The following ARL15 variants were observed in gnomAD, a reference collection of about 807,000 sequenced individuals.
ARL15 encodes ARF like GTPase 15, also known as ADP-ribosylation factor-like protein 15.
Under a neutral mutation model 25.2 loss-of-function variants are expected in ARL15, and 19 were observed. That is an observed-to-expected ratio of 0.75 (90% CI 0.53 to 1.10). The LOEUF (loss-of-function observed/expected upper bound fraction) is 1.10, where lower values mean the gene tolerates loss of function less well. Ranked by LOEUF, ARL15 falls within the 50% of genes least tolerant of loss-of-function variation. The probability of loss-of-function intolerance (pLI) is 0.00; values close to 1 mark genes in which losing one functional copy is unlikely to be tolerated. For missense variants in ARL15, 220 were observed against 246.0 expected, an observed-to-expected ratio of 0.89 and a Z score of 0.71; for synonymous variants, 94 against 86.8, an observed-to-expected ratio of 1.08 and a Z score of -0.46.
intron 4 of ARL15, among the ~76,000 whole-genome samples, chr5:53,955,580 A>C (rs1264234101): frequency 6.6e-6 from 1 of 152,220 alleles, no homozygotes; most frequent in Non-Finnish European, 1.5e-5. Flanking sequence ...ATTCAAGAAA[A>C]AGCTTTGAGA....
intron 4 of ARL15, among the ~76,000 whole-genome samples, chr5:53,971,758 G>A (rs1003662741): frequency 6.6e-6 from 1 of 152,274 alleles, no homozygotes; most frequent in Non-Finnish European, 1.5e-5. Context: ...GATGCTGAGA[G>A]GCCAGAAAGG....
At chr5:53,976,060 G>GT (rs1331055028) in intron 4 of ARL15, among the ~76,000 whole-genome samples, 1 of 152,120 alleles carries the variant, frequency 6.6e-6, no homozygotes, top group Non-Finnish European at 1.5e-5. Flanking sequence ...TTGATTTCCT[G>GT]TTTCCTTAGT....
At chr5:54,277,073 T>C (rs1219265799) in intron 1 of ARL15, among the ~76,000 whole-genome samples, 1 of 152,202 alleles carries the variant, frequency 6.6e-6, no homozygotes, top group Non-Finnish European at 1.5e-5. Flanking sequence ...TGTAGCACTG[T>C]ATATTGTAAT....
chr5:54,285,252 G>T, intron 1 of ARL15: 1 of 503,034 alleles, frequency 2.0e-6, no homozygotes, highest in Non-Finnish European at 2.6e-6. Context: ...AAGACAGATT[G>T]GTTACAATCT....
Position 53,995,920 on chromosome 5 carries a change from G to A in ARL15, c.463-109207C>T, listed in dbSNP as rs79930749. ...ACAGAAACAAAAACAGAATAAGGGT[G>A]AAATGTGCTAAAGCTTCATTATGTG... On this transcript the variant is annotated intron_variant, in intron 4 of 4. Coordinates refer to ENST00000504924, the MANE Select transcript of ARL15 (RefSeq NM_019087.3). 1.6e-4 allele frequency among the ~76,000 whole-genome samples: 24 copies of A among 152,302 alleles called. No individual in the cohort carries two copies. In the South Asian group the frequency reaches 5.0e-3, roughly 32 times the overall value.
chr5:54,230,732 G>T (rs1756649211), intron 1 of ARL15, among the ~76,000 whole-genome samples: 2 of 151,952 alleles, frequency 1.3e-5, no homozygotes, highest in Admixed American at 1.3e-4. Context: ...CACTCCCTAG[G>T]GCCTTTTTCT....
intron 4 of ARL15, among the ~76,000 whole-genome samples, chr5:54,078,277 G>A (rs1456591328): frequency 6.6e-6 from 1 of 152,146 alleles, no homozygotes; most frequent in Non-Finnish European, 1.5e-5. Context: ...GATATACGTT[G>A]TGCTTACTCC....
At chr5:53,977,330 G>A (rs1024621470) in intron 4 of ARL15, among the ~76,000 whole-genome samples, 1 of 137,584 alleles carries the variant, frequency 7.3e-6, no homozygotes, top group Admixed American at 8.0e-5. Flanking sequence ...ACTCCAGCCT[G>A]AGCAACAGAG....
intron 4 of ARL15, among the ~76,000 whole-genome samples, chr5:53,899,694 T>A (rs1745001471): frequency 6.6e-6 from 1 of 152,190 alleles, no homozygotes; most frequent in South Asian, 2.1e-4. Context: ...TTCCTTGTTT[T>A]CTTATCTAGC....
intron 4 of ARL15, among the ~76,000 whole-genome samples, chr5:53,961,694 G>A (rs147051698): frequency 0.01 from 1,577 of 152,160 alleles, 9 homozygotes; most frequent in South Asian, 0.015. Flanking sequence ...TCCAACAGTA[G>A]AGAAAGGCAT....
intron 1 of ARL15, among the ~76,000 whole-genome samples, chr5:54,243,028 T>C (rs1756998780): frequency 6.6e-6 from 1 of 152,214 alleles, no homozygotes; most frequent in Admixed American, 6.5e-5. Context: ...AACATCCTCC[T>C]GTAAACATTG....
chr5:54,155,365 A>G (rs1457507127), intron 2 of ARL15, among the ~76,000 whole-genome samples: 1 of 152,154 alleles, frequency 6.6e-6, no homozygotes, highest in Non-Finnish European at 1.5e-5. Flanking sequence ...TCTTTCTCAC[A>G]TATAACTCAG....
rs561749049 is a variant in ARL15 at position 53,973,058 on chromosome 5, G to A, written c.463-86345C>T. On this transcript the variant is annotated intron_variant, in intron 4 of 4. Transcript: ENST00000504924. ...AGCAACTGCTATAGAAAAAGCATGAGTGCACTAAATAAATATTATTTACTA... is the reference window on the plus strand; with the variant it reads ...AGCAACTGCTATAGAAAAAGCATGAATGCACTAAATAAATATTATTTACTA... Among the ~76,000 whole-genome samples, 27 of 152,252 alleles carry A rather than the reference G, an allele frequency of 1.8e-4. No individual in the cohort carries two copies. The South Asian group carries it at 5.4e-3, about 30-fold the overall frequency.
intron 1 of ARL15, among the ~76,000 whole-genome samples, chr5:54,207,193 C>T (rs372488889): frequency 3.9e-5 from 6 of 152,136 alleles, no homozygotes; most frequent in East Asian, 1.9e-4. Context: ...AGATGTGGCA[C>T]GATACTAACT....
At chr5:54,055,819 C>T (rs1750851485) in intron 4 of ARL15, among the ~76,000 whole-genome samples, 1 of 152,110 alleles carries the variant, frequency 6.6e-6, no homozygotes, top group African/African-American at 2.4e-5. Context: ...CCATGGCATT[C>T]CACTGAAATA....
intron 4 of ARL15, among the ~76,000 whole-genome samples, chr5:54,024,234 C>T (rs1368178530): frequency 6.6e-6 from 1 of 152,138 alleles, no homozygotes; most frequent in Non-Finnish European, 1.5e-5. Context: ...AAAATGCAAC[C>T]ATGGAGAAAA....
chr5:54,034,122 T>C (rs1329155548), intron 4 of ARL15, among the ~76,000 whole-genome samples: 2 of 152,226 alleles, frequency 1.3e-5, no homozygotes, highest in South Asian at 2.1e-4. Context: ...ACAAGGTCTG[T>C]CTTAGGTTGT....
chr5:54,076,209 G>A (rs1023576122), intron 4 of ARL15, among the ~76,000 whole-genome samples: 2 of 151,932 alleles, frequency 1.3e-5, no homozygotes, highest in African/African-American at 4.8e-5. Flanking sequence ...GAGGTCAGGA[G>A]ATCGAGACCA....
At chr5:54,078,633 C>A (rs1012052927) in intron 4 of ARL15, among the ~76,000 whole-genome samples, 4 of 152,146 alleles carry the variant, frequency 2.6e-5, no homozygotes, top group African/African-American at 9.7e-5. Flanking sequence ...AAATTTCTGA[C>A]CTCCCTAACA....
Sources: allele counts gnomAD v4.1 joint callset (sites outside exome capture counted in the v4.1 genomes callset), GRCh38; gene constraint gnomAD v4.1.1; transcripts MANE v1.5; gene names NCBI Gene and HGNC (gene_info 2026-07-23, HGNC 2026-07-21).